PTPRN2: variants seen among roughly 807,000 people sequenced by gnomAD.
PTPRN2 encodes receptor-type tyrosine-protein phosphatase N2.
Under a neutral mutation model 118.8 loss-of-function variants are expected in PTPRN2, and 74 were observed. That is an observed-to-expected ratio of 0.62 (90% CI 0.52 to 0.76). PTPRN2 has a LOEUF of 0.76. PTPRN2 is among the 30% of genes least tolerant of loss of function. PTPRN2 has a pLI of 0.00. For missense variants in PTPRN2, 1,481 were observed against 1,394.4 expected, an observed-to-expected ratio of 1.06 and a Z score of -0.99; for synonymous variants, 641 against 608.0, an observed-to-expected ratio of 1.05 and a Z score of -0.80.
At chr7:158,507,599 G>T (rs563026770) in intron 1 of PTPRN2, among the ~76,000 whole-genome samples, 1 of 150,102 alleles carries the variant, frequency 6.7e-6, no homozygotes, top group African/African-American at 2.5e-5. Context: ...ACGAAGGTCA[G>T]TGAGGAACAT....
rs1425036478 is a variant in PTPRN2 at position 157,598,513 on chromosome 7, A to T, written c.2419-3198T>A. Among the ~76,000 whole-genome samples, 1 of 148,702 alleles carries T rather than the reference A, an allele frequency of 6.7e-6. No homozygotes were observed. Among genetic ancestry groups the T allele is most frequent in the African/African-American group, 2.6e-5 (1 of 38,580 alleles). ...TTGGACGTCGGCGTCTCCGGGCCTC[A>T]GTCTCCATATCTGTATGGTGGGTGA... On this transcript the variant is annotated intron_variant, in intron 16 of 22. Coordinates refer to ENST00000389418, the MANE Select transcript of PTPRN2 (RefSeq NM_002847.5). The surrounding 1 kb of genome is among the most constrained non-coding windows in gnomAD (Gnocchi z 5.2).
At chr7:158,130,973 TAC>T (rs1205472075) in intron 9 of PTPRN2, among the ~76,000 whole-genome samples, 1 of 146,994 alleles carries the variant, frequency 6.8e-6, no homozygotes, top group East Asian at 2.1e-4. Flanking sequence ...CACACACATA[TAC>T]ACAAACACAC....
At chr7:158,270,769 CGTCCACCTGGA>C (rs1798282777) in intron 3 of PTPRN2, among the ~76,000 whole-genome samples, 4 of 136,200 alleles carry the variant, frequency 2.9e-5, no homozygotes, top group African/African-American at 9.1e-5. Flanking sequence ...TGGACCACCC[CGTCCACCTGGA>C]CCACCCCTCC....
intron 2 of PTPRN2, among the ~76,000 whole-genome samples, chr7:158,373,051 C>A (rs924426819): frequency 6.6e-6 from 1 of 152,182 alleles, no homozygotes; most frequent in African/African-American, 2.4e-5. Flanking sequence ...GCAGCACGGC[C>A]GAAGGTTCCA....
intron 12 of PTPRN2, among the ~76,000 whole-genome samples, chr7:157,762,133 T>G (rs985147511): frequency 6.6e-6 from 1 of 152,036 alleles, no homozygotes; most frequent in Non-Finnish European, 1.5e-5. Flanking sequence ...GGAACACTTT[T>G]ACACTGTTGG....
chr7:157,689,262 G>A (rs1408411960), intron 12 of PTPRN2, among the ~76,000 whole-genome samples: 1 of 152,212 alleles, frequency 6.6e-6, no homozygotes, highest in Admixed American at 6.5e-5. Flanking sequence ...GATCGGCGAC[G>A]CAAGGACAGC....
intron 17 of PTPRN2, 57 bp from the exon 18 acceptor site, chr7:157,578,197 G>A: frequency 6.5e-7 from 1 of 1,541,074 alleles, no homozygotes; most frequent in Non-Finnish European, 8.8e-7. Context: ...CGCGTGACAT[G>A]TGTAATTACT....
chr7:158,519,148 G>A (rs769151563), intron 1 of PTPRN2, among the ~76,000 whole-genome samples: 29 of 152,090 alleles, frequency 1.9e-4, no homozygotes, highest in Admixed American at 1.9e-3. Flanking sequence ...CACAGGCGTC[G>A]TCACTGTTTC....
In PTPRN2 at chr7:157,682,939, T is replaced by C; in HGVS notation, c.1789-2A>G. On this transcript the variant is annotated splice_acceptor_variant, in intron 12 of 22. Transcript: ENST00000389418. LOFTEE classifies it high-confidence loss of function. ...AGGCAGGAACTTGAGTTTGCTTTTC[T>C]GCAGAACAAGGAGAGAGGGGTGTGT... 1 of 1,606,294 alleles carries C rather than the reference T, an allele frequency of 6.2e-7. No individual in the cohort carries two copies. Among genetic ancestry groups the C allele is most frequent in the Non-Finnish European group, 8.5e-7 (1 of 1,173,446 alleles).
intron 5 of PTPRN2, 32 bp from the exon 6 acceptor site, chr7:158,167,323 G>A (rs761976223): frequency 1.3e-6 from 2 of 1,542,954 alleles, no homozygotes; most frequent in East Asian, 4.6e-5. Context: ...CAGAGCAAGA[G>A]TCACATTTCC....
intron 15 of PTPRN2, 110 bp downstream of exon 15, chr7:157,621,252 C>CCACTCCTG (rs1361235084): frequency 3.2e-4 from 462 of 1,432,206 alleles, no homozygotes; most frequent in Non-Finnish European, 3.9e-4. Flanking sequence ...GGCCAGTTTC[C>CCACTCCTG]TCCGCCCGGA....
chr7:158,237,146 G>A (rs1270973754), intron 3 of PTPRN2, among the ~76,000 whole-genome samples: 1 of 16,492 alleles, frequency 6.1e-5, no homozygotes, highest in Non-Finnish European at 9.7e-5. Flanking sequence ...CTCCCCATGT[G>A]ATAGTCTGAA....
In PTPRN2 at chr7:158,587,662, G is replaced by A. The variant is rs1317442742; in HGVS notation, c.8C>T (p.Pro3Leu). The A allele has an allele frequency of 1.2e-5, 16 of 1,346,252 alleles. No homozygotes were observed. The highest frequency in any genetic ancestry group is 1.5e-5 in the Non-Finnish European group (16 of 1,051,448). 83.4% of individuals were successfully genotyped at this position (1,346,252 alleles called of 1,614,324 possible). A position where few individuals can be genotyped will look rare whatever the true frequency, so the allele number is the denominator to read the frequency against. The change falls in exon 1 of 23, where the codon CCG (proline) becomes CTG (leucine). Residue 3 changes from proline (P) to leucine (L), a missense_variant. Pro to Leu is a moderately conservative substitution (Grantham distance 98). Transcript: ENST00000389418. Reference protein sequence around the residue: MGPPLPLLLLLLL... With the variant: MGLPLPLLLLLLL... ...TAGCAGCAGCAGCAGCGGGAGCGGC[G>A]GCCCCATCCCCGCGGCCTGGCCGGC...
rs186686175 is a variant in PTPRN2, at chr7:158,241,449, G to T, written c.278-36176C>A. Among the ~76,000 whole-genome samples the T allele has an allele frequency of 3.1e-3, 467 of 152,252 alleles. 6 individuals are homozygous for T. The highest frequency in any genetic ancestry group is 0.01 in the African/African-American group (422 of 41,544). On this transcript the variant is annotated intron_variant, in intron 3 of 22. Coordinates refer to ENST00000389418, the MANE Select transcript of PTPRN2 (RefSeq NM_002847.5). Reference sequence around the variant, plus strand: ...GAATGGCTTGAACCCAGGAGGCAAAGGTTGCAGTGAGCCAAGATCACACCA... The same window carrying T: ...GAATGGCTTGAACCCAGGAGGCAAATGTTGCAGTGAGCCAAGATCACACCA...
At chr7:157,834,638 G>A (rs1807811341) in intron 12 of PTPRN2, among the ~76,000 whole-genome samples, 4 of 152,262 alleles carry the variant, frequency 2.6e-5, no homozygotes, top group Non-Finnish European at 5.9e-5. Context: ...CGAGCGGGCG[G>A]CTCCAGACAG....
intron 10 of PTPRN2, among the ~76,000 whole-genome samples, chr7:158,097,191 AC>A (rs74652834): frequency 0.33 from 50,689 of 151,676 alleles, 8,662 homozygotes; most frequent in Admixed American, 0.43. Context: ...TTCCCGGCAA[AC>A]CCCAGGGACT....
chr7:158,198,259 G>T (rs1466698059), intron 4 of PTPRN2, among the ~76,000 whole-genome samples: 1 of 152,304 alleles, frequency 6.6e-6, no homozygotes, highest in Admixed American at 6.5e-5. Context: ...CAATGAGAGG[G>T]TTTATCATTA....
At chr7:158,533,935 T>C (rs946586569) in intron 1 of PTPRN2, among the ~76,000 whole-genome samples, 6 of 152,228 alleles carry the variant, frequency 3.9e-5, no homozygotes, top group African/African-American at 7.2e-5. Flanking sequence ...CTGCCTTTGC[T>C]GGGGATGCCT....
intron 14 of PTPRN2, among the ~76,000 whole-genome samples, chr7:157,626,876 G>C (rs1242995925): frequency 6.6e-6 from 1 of 152,244 alleles, no homozygotes; most frequent in Non-Finnish European, 1.5e-5. Flanking sequence ...AACTTGGAAT[G>C]TTTTACTATA....
Sources: gnomAD v4.1 joint callset for allele counts (sites outside exome capture counted in the v4.1 genomes callset) on GRCh38, gnomAD v4.1.1 for gene constraint, Gnocchi (gnomAD v3.1) non-coding constraint, MANE v1.5 for transcripts, NCBI Gene and HGNC (gene_info 2026-07-23, HGNC 2026-07-21) for gene names.